QKI: variants seen among roughly 807,000 people sequenced by gnomAD.
The protein encoded by QKI is QKI, KH domain containing RNA binding, also known as KH domain-containing RNA-binding protein QKI.
Under a neutral mutation model 39.0 loss-of-function variants are expected in QKI, and 10 were observed. That is an observed-to-expected ratio of 0.26 (90% CI 0.16 to 0.43). The LOEUF (loss-of-function observed/expected upper bound fraction) is 0.43. Ranked by LOEUF, QKI falls within the 20% of genes least tolerant of loss-of-function variation. The pLI is 1.00. For missense variants in QKI, 218 were observed against 428.0 expected (o/e 0.51, Z 4.33); for synonymous variants, 204 against 155.4 (o/e 1.31, Z -2.33).
intron 3 of QKI, among the ~76,000 whole-genome samples, chr6:163,521,117 A>G (rs546003623): frequency 6.6e-6 from 1 of 152,236 alleles, no homozygotes; most frequent in South Asian, 2.1e-4. Context: ...TTAATACACT[A>G]AGCATTTGTA....
chr6:163,558,871 G>A (rs1782815240), intron 4 of QKI, among the ~76,000 whole-genome samples: 1 of 152,092 alleles, frequency 6.6e-6, no homozygotes, highest in African/African-American at 2.4e-5. Context: ...AGTGTACCCT[G>A]CCAAAATGTG....
At chr6:163,423,521 G>T (rs147078574) in intron 1 of QKI, 1 of 152,278 alleles carries the variant, frequency 6.6e-6, no homozygotes, top group African/African-American at 2.4e-5. Context: ...TCTCCACAAG[G>T]GGAACTGGAG....
chr6:163,531,867 ACC>A (rs1780875044), intron 3 of QKI, among the ~76,000 whole-genome samples: 1 of 152,192 alleles, frequency 6.6e-6, no homozygotes, highest in African/African-American at 2.4e-5. Context: ...GTGTAAGTAC[ACC>A]ATTCCATTAA....
At chr6:163,465,363 T>G (rs1791657135) in intron 2 of QKI, among the ~76,000 whole-genome samples, 1 of 152,028 alleles carries the variant, frequency 6.6e-6, no homozygotes, top group Non-Finnish European at 1.5e-5. Context: ...GAGTGGTGGC[T>G]CATGGCTCTG....
At chr6:163,564,262 T>C (rs1249840012) in intron 6 of QKI, 1 of 1,024,708 alleles carries the variant, frequency 9.8e-7, no homozygotes, top group Non-Finnish European at 1.2e-6. Flanking sequence ...AAGAATTGCC[T>C]TGTCTGGCAG....
intron 2 of QKI, among the ~76,000 whole-genome samples, chr6:163,462,963 T>G (rs1252147321): frequency 6.6e-6 from 1 of 152,188 alleles, no homozygotes; most frequent in Non-Finnish European, 1.5e-5. Flanking sequence ...ATGTGATGAT[T>G]ATTAAAGTGG....
At chr6:163,497,220 A>G (rs954363518) in intron 3 of QKI, among the ~76,000 whole-genome samples, 4 of 152,086 alleles carry the variant, frequency 2.6e-5, no homozygotes, top group African/African-American at 4.8e-5. Flanking sequence ...AGTAGTTTAT[A>G]TAGATATTTG....
chr6:163,498,568 C>G (rs1008508868), intron 3 of QKI, among the ~76,000 whole-genome samples: 1 of 151,898 alleles, frequency 6.6e-6, no homozygotes, highest in Non-Finnish European at 1.5e-5. Context: ...TCAGGCCCCT[C>G]CCTTCTTCCT....
Position 163,528,845 on chromosome 6 carries a change from C to CTA in QKI, c.403-6136_403-6135dup, listed in dbSNP as rs549470404. Among the ~76,000 whole-genome samples, 276 of 152,226 alleles carry CTA rather than the reference C, an allele frequency of 1.8e-3. 1 individual carries two copies. Among genetic ancestry groups the CTA allele is most frequent in the African/African-American group, 6.4e-3 (266 of 41,538 alleles). On this transcript the variant is annotated intron_variant, in intron 3 of 7. Coordinates refer to ENST00000361752, the MANE Select transcript of QKI (RefSeq NM_006775.3). ...ATGGAACCTCTGTTGTTATTGCACCCTACCTTAAAAGATGGAAGGTTAGTG... is the reference window on the plus strand; with the variant it reads ...ATGGAACCTCTGTTGTTATTGCACCCTATACCTTAAAAGATGGAAGGTTAGTG...
At chr6:163,568,332 C>T in intron 7 of QKI, 1 of 985,190 alleles carries the variant, frequency 1.0e-6, no homozygotes, top group Non-Finnish European at 1.2e-6. Flanking sequence ...AATTATTGGC[C>T]TACTTAATAC....
chr6:163,493,822 T>TA (rs1408957078), intron 3 of QKI, among the ~76,000 whole-genome samples: 1 of 152,234 alleles, frequency 6.6e-6, no homozygotes, highest in Non-Finnish European at 1.5e-5. Flanking sequence ...ACGAATCTTC[T>TA]AAAAAATCAC....
rs144125167 is a variant in QKI at position 163,459,095 on chromosome 6, G to C, written c.285+3674G>C. ...GGTCTACTGGTTAGGGTGAAGCCTA[G>C]CTTGATTGAGGCTAACTGGGTGGGT... On this transcript the variant is annotated intron_variant, in intron 2 of 7. Coordinates refer to ENST00000361752, the MANE Select transcript of QKI (RefSeq NM_006775.3). Among the ~76,000 whole-genome samples the C allele has an allele frequency of 9.8e-4, 150 of 152,320 alleles. 1 individual carries two copies. Among genetic ancestry groups the C allele is most frequent in the South Asian group, 8.1e-3 (39 of 4,828 alleles).
intron 3 of QKI, among the ~76,000 whole-genome samples, chr6:163,522,357 T>C (rs1313320382): frequency 6.6e-6 from 1 of 152,128 alleles, no homozygotes; most frequent in Non-Finnish European, 1.5e-5. Flanking sequence ...TATTTATGTA[T>C]TTATTAAATA....
At chr6:163,453,120 A>G (rs979750939) in intron 1 of QKI, among the ~76,000 whole-genome samples, 2 of 150,984 alleles carry the variant, frequency 1.3e-5, no homozygotes, top group African/African-American at 4.9e-5. Flanking sequence ...AAGTTTGATA[A>G]ATTTGTTTAT....
intron 1 of QKI, among the ~76,000 whole-genome samples, chr6:163,445,922 G>T (rs754059215): frequency 3.9e-5 from 6 of 152,090 alleles, no homozygotes; most frequent in Non-Finnish European, 5.9e-5. Context: ...CCGTTGTGGG[G>T]TATATGTCTT....
In QKI at chr6:163,414,871, GCCCGCGC is replaced by G. The variant is rs1787289025; in HGVS notation, c.-313_-307del. On this transcript the variant is annotated 5_prime_UTR_variant, in exon 1 of 8. Transcript: ENST00000361752. ...GGCTCCTCCTCGTCCGGCGCCAGCA[GCCCGCGC>G]CCCGCGCCCGCACTCGGCCAGCCGA... 1 of 145,052 alleles carries G rather than the reference GCCCGCGC, an allele frequency of 6.9e-6. No homozygotes were observed. Among genetic ancestry groups the G allele is most frequent in the South Asian group, 2.1e-4 (1 of 4,752 alleles). The allele number at this position is 145,052 out of a possible 1,614,324, so 9.0% of individuals were successfully genotyped here.
At chr6:163,565,649 C>T (rs889070977) in intron 6 of QKI, 3 of 1,058,500 alleles carry the variant, frequency 2.8e-6, no homozygotes, top group East Asian at 1.3e-4. Flanking sequence ...TAATAAGTGC[C>T]CAATGAAAAA....
rs778255520 is a variant in QKI at position 163,563,708 on chromosome 6, G to A, written c.923G>A (p.Ser308Asn). Residue 308 changes from serine to asparagine, a missense_variant, in exon 6 of 8, where the codon AGT becomes AAT. Ser to Asn is a conservative substitution (Grantham distance 46, BLOSUM62 1). Coordinates refer to ENST00000361752, the MANE Select transcript of QKI (RefSeq NM_006775.3). ...ATCCTTGAGTATCCTATTGAACCTA[G>A]TGGTGTATTAGGTAAGTTCTTCTCC... is the stretch of plus-strand genomic sequence containing the variant. The part of the protein sequence containing the change: ...TSILEYPIEP[S>N]GVLGAVATKV... 1.2e-6 allele frequency: 2 copies of A among 1,613,384 alleles called. No homozygotes were observed. The highest frequency in any genetic ancestry group is 1.3e-5 in the African/African-American group (1 of 74,928).
chr6:163,564,343 G>T, intron 6 of QKI: 1 of 1,077,690 alleles, frequency 9.3e-7, no homozygotes, highest in Non-Finnish European at 1.2e-6. Context: ...TACACACCTA[G>T]GCTGTGTGGT....
Sources: gnomAD v4.1 joint callset for allele counts (sites outside exome capture counted in the v4.1 genomes callset) on GRCh38, gnomAD v4.1.1 for gene constraint, MANE v1.5 for transcripts, NCBI Gene and HGNC (gene_info 2026-07-23, HGNC 2026-07-21) for gene names.